PCDH15: variants seen among roughly 807,000 people sequenced by gnomAD.
PCDH15 encodes the protein protocadherin-15.
In PCDH15, 129 loss-of-function variants were observed where a neutral mutation model predicts 178.5. That is an observed-to-expected ratio of 0.72 (90% CI 0.63 to 0.84). PCDH15 has a LOEUF of 0.84. Among genes scored for constraint, PCDH15 ranks in the 40% least tolerant of loss-of-function variants. The probability of loss-of-function intolerance (pLI) is 0.00; values close to 1 mark genes in which losing one functional copy is unlikely to be tolerated. For synonymous variants in PCDH15, 800 were observed against 732.0 expected, an observed-to-expected ratio of 1.09 and a Z score of -1.50; for missense variants, 2,230 against 2,099.9, an observed-to-expected ratio of 1.06 and a Z score of -1.21.
At position 54,219,107 on chromosome 10, in the gene PCDH15, A is replaced by C. The variant is rs1318204385; in HGVS notation, c.986-5059T>G. On this transcript the variant is annotated intron_variant, in intron 9 of 37. Coordinates refer to ENST00000644397, the MANE Select transcript of PCDH15 (RefSeq NM_001384140.1). ...TCTCTACTAAAAAAAAAAAAAAAAA[A>C]CAAAAAAAAAACAAAAAATTAGCCG... Among the ~76,000 whole-genome samples, 471 of 120,254 alleles carry C rather than the reference A, an allele frequency of 3.9e-3. 4 individuals carry two copies. The highest frequency in any genetic ancestry group is 0.033 in the Admixed American group (376 of 11,440). The allele number at this position is 120,254 out of a possible 152,430, so 78.9% of individuals were successfully genotyped here.
intron 2 of PCDH15, among the ~76,000 whole-genome samples, chr10:55,399,245 A>G (rs1838005087): frequency 6.6e-6 from 1 of 152,150 alleles, no homozygotes; most frequent in African/African-American, 2.4e-5. Context: ...TTTAACTGTC[A>G]GCAAATACAA....
intron 8 of PCDH15, among the ~76,000 whole-genome samples, chr10:54,278,850 A>T (rs1242287065): frequency 6.6e-6 from 1 of 151,546 alleles, no homozygotes; most frequent in Non-Finnish European, 1.5e-5. Flanking sequence ...ATGCCCCAAG[A>T]TCTCTTTTGT....
intron 4 of PCDH15, among the ~76,000 whole-genome samples, 157 bp downstream of exon 4, chr10:54,378,625 T>C (rs1233534073): frequency 6.6e-6 from 1 of 152,174 alleles, no homozygotes; most frequent in African/African-American, 2.4e-5. Context: ...TCCCTTCCTT[T>C]CTCATTCTTC....
At chr10:55,470,976 C>G (rs534365499) in intron 2 of PCDH15, among the ~76,000 whole-genome samples, 1 of 152,006 alleles carries the variant, frequency 6.6e-6, no homozygotes, top group East Asian at 1.9e-4. Flanking sequence ...CCTCCATGTC[C>G]TTTTATGTCT....
chr10:55,330,868 GTATGTGTA>G (rs1314209228), intron 2 of PCDH15, among the ~76,000 whole-genome samples: 1 of 128,266 alleles, frequency 7.8e-6, no homozygotes, highest in African/African-American at 2.8e-5. Flanking sequence ...GTGTGTGTGT[GTATGTGTA>G]TGTGTATGAG....
intron 21 of PCDH15, among the ~76,000 whole-genome samples, chr10:53,973,704 A>G (rs2089954702): frequency 6.6e-6 from 1 of 152,156 alleles, no homozygotes; most frequent in Admixed American, 6.5e-5. Context: ...TTCACACAGT[A>G]TTACCACTAG....
In PCDH15 at chr10:55,114,704, C is replaced by T. The variant is rs149426130; in HGVS notation, c.-80+51872G>A. On this transcript the variant is annotated intron_variant, in intron 2 of 5. Transcript: ENST00000458638. ...TCCCTGCACTCAATAAGGATAAAGACACAAACCTAGGAAATGAAAGAGCTA... is the reference window on the plus strand; with the variant it reads ...TCCCTGCACTCAATAAGGATAAAGATACAAACCTAGGAAATGAAAGAGCTA... Among the ~76,000 whole-genome samples the T allele has an allele frequency of 5.6e-3, 857 of 152,286 alleles. 7 individuals are homozygous for T. The highest frequency in any genetic ancestry group is 0.02 in the African/African-American group (811 of 41,564).
intron 9 of PCDH15, among the ~76,000 whole-genome samples, chr10:54,215,031 A>G (rs1564700386): frequency 6.6e-6 from 1 of 152,214 alleles, no homozygotes; most frequent in Non-Finnish European, 1.5e-5. Context: ...ATTGTATAGT[A>G]TATACATTTG....
chr10:54,772,160 T>C (rs1481842108), intron 1 of PCDH15, among the ~76,000 whole-genome samples: 1 of 152,132 alleles, frequency 6.6e-6, no homozygotes, highest in Non-Finnish European at 1.5e-5. Context: ...GAAACATACA[T>C]ATTTTTATAG....
chr10:55,177,995 A>G (rs1010029870), intron 1 of PCDH15, among the ~76,000 whole-genome samples: 3 of 152,178 alleles, frequency 2.0e-5, no homozygotes, highest in Non-Finnish European at 4.4e-5. Context: ...TGTCCTCATA[A>G]AAATGTTTGA....
At chr10:54,318,810 A>G (rs2061425871) in intron 7 of PCDH15, among the ~76,000 whole-genome samples, 1 of 152,200 alleles carries the variant, frequency 6.6e-6, no homozygotes, top group African/African-American at 2.4e-5. Context: ...ATATTTATCA[A>G]AAGTATATGA....
In PCDH15 at chr10:55,454,377, G is replaced by A. The variant is rs192622217; in HGVS notation, c.-156+173248C>T. On this transcript the variant is annotated intron_variant, in intron 2 of 5. Coordinates refer to the PCDH15 transcript ENST00000613346. Reference sequence around the variant, plus strand: ...ATATAATTTCCCCCCAATTTAAAGGGGATTACAGTATTGAAACTGAGAAAA... The same window carrying A: ...ATATAATTTCCCCCCAATTTAAAGGAGATTACAGTATTGAAACTGAGAAAA... 2.7e-4 allele frequency among the ~76,000 whole-genome samples: 41 copies of A among 151,586 alleles called. 1 individual carries two copies. Among genetic ancestry groups the A allele is most frequent in the African/African-American group, 9.7e-4 (40 of 41,352 alleles).
chr10:55,005,795 G>C (rs1839914123), intron 2 of PCDH15, among the ~76,000 whole-genome samples: 1 of 151,730 alleles, frequency 6.6e-6, no homozygotes, highest in African/African-American at 2.4e-5. Flanking sequence ...AGATATATAG[G>C]GTAAGATTTT....
intron 2 of PCDH15, among the ~76,000 whole-genome samples, chr10:55,401,593 A>AGTGTGT (rs1565100632): frequency 1.4e-5 from 1 of 73,690 alleles, no homozygotes; most frequent in South Asian, 4.5e-4. Flanking sequence ...AATTTGCCTT[A>AGTGTGT]CTGTGTGTGT....
chr10:54,640,573 A>G (rs1472232317), intron 2 of PCDH15, among the ~76,000 whole-genome samples: 1 of 152,162 alleles, frequency 6.6e-6, no homozygotes, highest in Admixed American at 6.6e-5. Context: ...AAGGACATTT[A>G]CTGAAACATT....
chr10:54,547,285 C>T (rs1305887201), intron 2 of PCDH15, among the ~76,000 whole-genome samples: 1 of 152,226 alleles, frequency 6.6e-6, no homozygotes, highest in South Asian at 2.1e-4. Context: ...GGCTTGCTAT[C>T]CATCTTCTGT....
chr10:54,566,611 C>T (rs2089072506), intron 2 of PCDH15, among the ~76,000 whole-genome samples: 1 of 152,052 alleles, frequency 6.6e-6, no homozygotes, highest in Non-Finnish European at 1.5e-5. Flanking sequence ...TGTCATATTG[C>T]CTTTTTCCAT....
chr10:54,606,932 A>G (rs1042590188), intron 2 of PCDH15: 10 of 152,204 alleles, frequency 6.6e-5, no homozygotes, highest in South Asian at 4.1e-4. Context: ...CATTCTGACT[A>G]TTCTAAAGCT....
At chr10:55,334,242 A>ATATATATGTGTGTG (rs1291195941) in intron 2 of PCDH15, among the ~76,000 whole-genome samples, 1 of 72,144 alleles carries the variant, frequency 1.4e-5, no homozygotes, top group Non-Finnish European at 2.2e-5. Context: ...ATATATATAT[A>ATATATATGTGTGTG]TGTGTGTGTG....
Sources: gnomAD v4.1 joint callset for allele counts (sites outside exome capture counted in the v4.1 genomes callset) on GRCh38, gnomAD v4.1.1 for gene constraint, MANE v1.5 for transcripts, NCBI Gene and HGNC (gene_info 2026-07-23, HGNC 2026-07-21) for gene names.